CCDC7: variants seen among roughly 807,000 people sequenced by gnomAD.
CCDC7 encodes coiled-coil domain-containing protein 7.
Under a neutral mutation model 196.9 loss-of-function variants are expected in CCDC7, and 183 were observed. The observed-to-expected ratio is 0.93, with a 90% CI of 0.82 to 1.05. The LOEUF is 1.05. CCDC7 is among the 50% of genes least tolerant of loss of function. The pLI, the probability that CCDC7 is intolerant of heterozygous loss-of-function variation, is 0.00. For synonymous variants in CCDC7, 525 were observed against 484.6 expected (o/e 1.08, Z -1.10); for missense variants, 1,540 against 1,482.2 (o/e 1.04, Z -0.64).
chr10:32,589,532 G>A (rs935643085), intron 18 of CCDC7, among the ~76,000 whole-genome samples: 2 of 152,056 alleles, frequency 1.3e-5, no homozygotes, highest in African/African-American at 4.8e-5. Context: ...TGTGTATTCT[G>A]GTGCCACTGA....
intron 28 of CCDC7, among the ~76,000 whole-genome samples, chr10:32,758,257 A>G (rs1043569884): frequency 6.6e-6 from 1 of 152,218 alleles, no homozygotes; most frequent in Non-Finnish European, 1.5e-5. Flanking sequence ...TTATGAGGCC[A>G]GCAGCATACT....
intron 21 of CCDC7, among the ~76,000 whole-genome samples, chr10:32,665,128 T>G (rs964370312): frequency 1.3e-5 from 2 of 152,084 alleles, no homozygotes; most frequent in African/African-American, 4.8e-5. Flanking sequence ...AAATGTCTAT[T>G]CAGATCCCAT....
At chr10:32,505,660 C>T (rs7911094) in intron 9 of CCDC7, among the ~76,000 whole-genome samples, 140,246 of 151,710 alleles carry the variant, frequency 0.92, 65,785 homozygotes, top group East Asian at 1. Context: ...AAAACCGCCA[C>T]TGTCATCATG....
chr10:32,559,964 G>GTTAT (rs2055148811), intron 13 of CCDC7, among the ~76,000 whole-genome samples: 1 of 152,174 alleles, frequency 6.6e-6, no homozygotes, highest in Non-Finnish European at 1.5e-5. Flanking sequence ...AACCAATACA[G>GTTAT]TGAAGTGCTT....
intron 6 of CCDC7, among the ~76,000 whole-genome samples, chr10:32,472,243 T>C (rs1406919347): frequency 6.6e-6 from 1 of 152,210 alleles, no homozygotes; most frequent in East Asian, 1.9e-4. Context: ...ATGTTTTTGG[T>C]ATACTTAATT....
chr10:32,840,196 G>C (rs910891579), intron 33 of CCDC7, among the ~76,000 whole-genome samples: 4 of 151,580 alleles, frequency 2.6e-5, no homozygotes, highest in Admixed American at 6.6e-5. Context: ...AAATGCAAAA[G>C]ATAAATGAAA....
intron 41 of CCDC7, among the ~76,000 whole-genome samples, chr10:32,870,759 G>A (rs997629157): frequency 6.6e-6 from 1 of 152,132 alleles, no homozygotes; most frequent in Admixed American, 6.6e-5. Context: ...TGATTATTTT[G>A]AGATACATCC....
chr10:32,823,867 C>T (rs999435882), intron 31 of CCDC7, among the ~76,000 whole-genome samples: 1 of 152,146 alleles, frequency 6.6e-6, no homozygotes, highest in Non-Finnish European at 1.5e-5. Context: ...TTTCTTCTTC[C>T]CAGCTGTAAA....
chr10:32,814,409 A>G (rs1268695759), exon 31 of CCDC7: 1 of 1,612,380 alleles, frequency 6.2e-7, no homozygotes, highest in Admixed American at 1.7e-5. Flanking sequence ...TTTGGAAGAG[A>G]TATACTAAAG....
intron 33 of CCDC7, among the ~76,000 whole-genome samples, chr10:32,836,904 A>G (rs1036489401): frequency 6.6e-6 from 1 of 152,074 alleles, no homozygotes; most frequent in African/African-American, 2.4e-5. Context: ...CCTTCCTTAC[A>G]CCTTATACAA....
intron 18 of CCDC7, among the ~76,000 whole-genome samples, 179 bp downstream of exon 19, chr10:32,584,483 C>T (rs1052875281): frequency 2.1e-5 from 3 of 139,792 alleles, no homozygotes; most frequent in Admixed American, 7.1e-5. Context: ...GTGGGCCAGG[C>T]GTGGTGGCTC....
intron 19 of CCDC7, 132 bp from the exon 21 acceptor site, chr10:32,634,925 G>T: frequency 2.5e-6 from 1 of 393,008 alleles, no homozygotes; most frequent in Non-Finnish European, 4.5e-6. Context: ...CGCATCCACG[G>T]TCTATTTTAA....
chr10:32,715,210 C>T (rs770073198), intron 25 of CCDC7, among the ~76,000 whole-genome samples: 12 of 152,180 alleles, frequency 7.9e-5, no homozygotes, highest in Non-Finnish European at 1.5e-4. Context: ...GAGCAGGCAG[C>T]AATCTTTACT....
intron 28 of CCDC7, among the ~76,000 whole-genome samples, chr10:32,737,764 T>G (rs779934376): frequency 3.9e-5 from 6 of 152,194 alleles, no homozygotes; most frequent in Non-Finnish European, 8.8e-5. Flanking sequence ...TTTTTATCAC[T>G]GTGTAATGTC....
intron 9 of CCDC7, chr10:32,511,344 C>T (rs1589370773): frequency 3.8e-6 from 6 of 1,577,142 alleles, no homozygotes; most frequent in Admixed American, 1.8e-5. Flanking sequence ...TTATTGGCAA[C>T]TTTTGATGCA....
At chr10:32,683,285 C>T (rs111944792) in intron 21 of CCDC7, among the ~76,000 whole-genome samples, 1,931 of 152,178 alleles carry the variant, frequency 0.013, 48 homozygotes, top group African/African-American at 0.045. Flanking sequence ...CCAGCTTTGT[C>T]GAAGATCAGA....
chr10:32,706,289 A>T (rs747307264), intron 24 of CCDC7, among the ~76,000 whole-genome samples: 3 of 152,142 alleles, frequency 2.0e-5, no homozygotes, highest in Admixed American at 2.0e-4. Flanking sequence ...AAGACACAAC[A>T]TACTGGAATC....
intron 11 of CCDC7, among the ~76,000 whole-genome samples, chr10:32,528,715 C>T (rs1340068369): frequency 7.1e-6 from 1 of 140,874 alleles, no homozygotes; most frequent in African/African-American, 2.7e-5. Context: ...TGTATATATA[C>T]ATATATACGT....
At chr10:32,452,263 C>T (rs1193458098) in intron 1 of CCDC7, among the ~76,000 whole-genome samples, 1 of 152,188 alleles carries the variant, frequency 6.6e-6, no homozygotes, top group Non-Finnish European at 1.5e-5. Context: ...ATTTCAGACT[C>T]TCACAAGGAA....
Sources: allele counts gnomAD v4.1 joint callset (sites outside exome capture counted in the v4.1 genomes callset), GRCh38; gene constraint gnomAD v4.1.1; transcripts MANE v1.5; gene names NCBI Gene and HGNC (gene_info 2026-07-23, HGNC 2026-07-21).